Variants in FHIT observed in about 807,000 individuals in gnomAD.
The protein encoded by FHIT is bis(5'-adenosyl)-triphosphatase.
Under a neutral mutation model 17.9 loss-of-function variants are expected in FHIT, and 19 were observed. That is an observed-to-expected ratio of 1.06 (90% CI 0.74 to 1.56). The LOEUF (loss-of-function observed/expected upper bound fraction) is 1.56, where lower values mean the gene tolerates loss of function less well. Ranked by LOEUF, FHIT falls within the 40% of genes most tolerant of loss-of-function variation. The pLI, the probability that FHIT is intolerant of heterozygous loss-of-function variation, is 0.00. For missense variants in FHIT, 248 were observed against 189.2 expected (o/e 1.31, Z -1.82); for synonymous variants, 81 against 69.7 (o/e 1.16, Z -0.81).
chr3:60,121,709 A>AAACAAAAACAC (rs1553690214), intron 5 of FHIT, among the ~76,000 whole-genome samples: 3,093 of 116,364 alleles, frequency 0.027, 49 homozygotes, highest in South Asian at 0.097. Context: ...AAACAAAACA[A>AAACAAAAACAC]ACACACACAC....
intron 3 of FHIT, among the ~76,000 whole-genome samples, chr3:60,866,335 T>A (rs1575617578): frequency 6.6e-6 from 1 of 152,128 alleles, no homozygotes; most frequent in African/African-American, 2.4e-5. Flanking sequence ...TGTGGCTAGG[T>A]TAGAAGAGCC....
chr3:60,131,247 T>C (rs1252476049), intron 5 of FHIT, among the ~76,000 whole-genome samples: 2 of 151,988 alleles, frequency 1.3e-5, no homozygotes, highest in Admixed American at 1.3e-4. Context: ...CATCTCTAGA[T>C]TACTTATAAT....
intron 5 of FHIT, among the ~76,000 whole-genome samples, chr3:60,298,137 G>A (rs1031185155): frequency 2.9e-4 from 44 of 152,172 alleles, no homozygotes; most frequent in African/African-American, 1.0e-3. Context: ...ATCATCACAC[G>A]TTCTGTAAGC....
chr3:61,237,074 C>T (rs1560102394), intron 1 of FHIT, among the ~76,000 whole-genome samples: 1 of 152,176 alleles, frequency 6.6e-6, no homozygotes, highest in East Asian at 1.9e-4. Context: ...CATGATCTGA[C>T]TCAACAAATT....
At chr3:60,654,932 G>A (rs2040079949) in intron 4 of FHIT, among the ~76,000 whole-genome samples, 1 of 152,134 alleles carries the variant, frequency 6.6e-6, no homozygotes, top group Non-Finnish European at 1.5e-5. Flanking sequence ...AGGGTATTGA[G>A]TGCCCATATC....
At chr3:60,142,650 C>A (rs1049407419) in intron 5 of FHIT, among the ~76,000 whole-genome samples, 10 of 151,688 alleles carry the variant, frequency 6.6e-5, no homozygotes, top group Admixed American at 3.9e-4. Context: ...TATAGGTGCA[C>A]ACCACTATGC....
intron 8 of FHIT, among the ~76,000 whole-genome samples, chr3:59,758,047 G>A (rs545823283): frequency 5.9e-5 from 9 of 152,112 alleles, no homozygotes; most frequent in East Asian, 3.8e-4. Flanking sequence ...CCTAACTACC[G>A]AACTAGAAGT....
At chr3:61,225,451 A>G (rs2039946270) in intron 1 of FHIT, among the ~76,000 whole-genome samples, 1 of 152,262 alleles carries the variant, frequency 6.6e-6, no homozygotes, top group Admixed American at 6.5e-5. Context: ...TGCAGGAGGC[A>G]TGTTCTAAAA....
intron 3 of FHIT, among the ~76,000 whole-genome samples, chr3:60,835,005 A>C (rs1242826760): frequency 1.3e-5 from 2 of 151,974 alleles, no homozygotes; most frequent in East Asian, 1.9e-4. Context: ...AAATCTAAGA[A>C]CTCTTTCCCT....
chr3:60,366,066 T>A (rs1700095047), intron 5 of FHIT, among the ~76,000 whole-genome samples: 1 of 152,228 alleles, frequency 6.6e-6, no homozygotes, highest in Admixed American at 6.5e-5. Context: ...GTAATGGGTA[T>A]TGCTTTGCAT....
chr3:60,650,412 C>G (rs1336537533), intron 4 of FHIT, among the ~76,000 whole-genome samples: 5 of 152,060 alleles, frequency 3.3e-5, no homozygotes, highest in African/African-American at 1.2e-4. Flanking sequence ...AGTGAGCTAG[C>G]CAGGACTAAA....
chr3:59,994,769 G>A (rs777757820), intron 7 of FHIT, among the ~76,000 whole-genome samples: 8 of 152,036 alleles, frequency 5.3e-5, no homozygotes, highest in Non-Finnish European at 8.8e-5. Context: ...GATAAGACAT[G>A]GCATTTCAGG....
chr3:60,845,544 A>C (rs1222775040), intron 3 of FHIT, among the ~76,000 whole-genome samples: 1 of 152,108 alleles, frequency 6.6e-6, no homozygotes, highest in African/African-American at 2.4e-5. Context: ...TGGAGAGGTA[A>C]AAATAAAATT....
At chr3:60,478,710 T>C (rs750439160) in intron 5 of FHIT, among the ~76,000 whole-genome samples, 2 of 152,200 alleles carry the variant, frequency 1.3e-5, no homozygotes, top group Non-Finnish European at 2.9e-5. Context: ...TGCATGCTGC[T>C]TCACTTACCT....
chr3:61,217,426 G>A (rs141648893), intron 1 of FHIT, among the ~76,000 whole-genome samples: 1 of 152,332 alleles, frequency 6.6e-6, no homozygotes, highest in African/African-American at 2.4e-5. Context: ...GCTAGCAGCT[G>A]GAATATGTCC....
intron 7 of FHIT, among the ~76,000 whole-genome samples, chr3:59,989,052 A>G (rs1280302472): frequency 6.6e-6 from 1 of 152,098 alleles, no homozygotes; most frequent in Admixed American, 6.6e-5. Context: ...AGGTCTGGCC[A>G]TTAGACTCAG....
intron 5 of FHIT, among the ~76,000 whole-genome samples, chr3:60,175,968 T>A (rs1440436170): frequency 2.0e-5 from 3 of 152,174 alleles, no homozygotes; most frequent in Non-Finnish European, 4.4e-5. Context: ...ACTAACCACA[T>A]ATATTTACTG....
intron 5 of FHIT, among the ~76,000 whole-genome samples, chr3:60,527,658 T>C (rs1183364978): frequency 6.6e-6 from 1 of 152,080 alleles, no homozygotes; most frequent in Non-Finnish European, 1.5e-5. Flanking sequence ...TAATGAAGCT[T>C]ACAATAAAAT....
chr3:60,566,566 T>A (rs1403341623), intron 4 of FHIT, among the ~76,000 whole-genome samples: 1 of 152,198 alleles, frequency 6.6e-6, no homozygotes, highest in South Asian at 2.1e-4. Context: ...GGATGCCCTC[T>A]CTCACCACTC....
Sources: allele counts gnomAD v4.1 joint callset (sites outside exome capture counted in the v4.1 genomes callset), GRCh38; gene constraint gnomAD v4.1.1; transcripts MANE v1.5; gene names NCBI Gene and HGNC (gene_info 2026-07-23, HGNC 2026-07-21).